MAP3K7CL: variants seen among roughly 807,000 people sequenced by gnomAD.
MAP3K7CL encodes MAP3K7 C-terminal-like protein.
Under a neutral mutation model 18.6 loss-of-function variants are expected in MAP3K7CL, and 16 were observed. That is an observed-to-expected ratio of 0.86 (90% CI 0.58 to 1.31). The LOEUF is 1.31. Among genes scored for constraint, MAP3K7CL ranks in the 50% most tolerant of loss-of-function variants. The pLI is 0.00. For missense variants in MAP3K7CL, 163 were observed against 174.4 expected (o/e 0.93, Z 0.37); for synonymous variants, 65 against 66.8 (o/e 0.97, Z 0.13).
chr21:29,118,597 A>G (rs985401484), intron 4 of MAP3K7CL, among the ~76,000 whole-genome samples: 3 of 152,200 alleles, frequency 2.0e-5, no homozygotes, highest in Non-Finnish European at 4.4e-5. Flanking sequence ...GGTTGAAATG[A>G]CTACACAGAC....
At chr21:29,105,664 T>C (rs2086308522) in intron 4 of MAP3K7CL, among the ~76,000 whole-genome samples, 1 of 152,076 alleles carries the variant, frequency 6.6e-6, no homozygotes, top group African/African-American at 2.4e-5. Context: ...TTATAAGCAG[T>C]TCCTTCAGAG....
At chr21:29,174,183 A>G (rs2832235) in intron 4 of MAP3K7CL, among the ~76,000 whole-genome samples, 29,870 of 152,176 alleles carry the variant, frequency 0.2, 3,074 homozygotes, top group East Asian at 0.28. Context: ...TGCAATATAT[A>G]TGTAAGGATT....
chr21:29,098,560 G>C (rs1024914428), intron 4 of MAP3K7CL, among the ~76,000 whole-genome samples: 1 of 152,216 alleles, frequency 6.6e-6, no homozygotes, highest in African/African-American at 2.4e-5. Flanking sequence ...ACTGTGCACC[G>C]TTCTTTCAAA....
At chr21:29,139,897 T>C (rs1041723667) in intron 2 of MAP3K7CL, among the ~76,000 whole-genome samples, 9 of 50,136 alleles carry the variant, frequency 1.8e-4, no homozygotes, top group African/African-American at 6.9e-4. Flanking sequence ...ATCTCTGGCT[T>C]TTTTTTTTTT....
intron 4 of MAP3K7CL, among the ~76,000 whole-genome samples, chr21:29,099,731 TTC>T (rs1171228089): frequency 6.6e-6 from 1 of 152,076 alleles, no homozygotes; most frequent in Non-Finnish European, 1.5e-5. Flanking sequence ...TAGAAACCTC[TTC>T]TTCCTTTCCT....
At chr21:29,101,498 C>T (rs936527411) in intron 4 of MAP3K7CL, among the ~76,000 whole-genome samples, 2 of 152,182 alleles carry the variant, frequency 1.3e-5, no homozygotes, top group African/African-American at 4.8e-5. Context: ...CAAGCTCCAC[C>T]TCCCGGATTC....
chr21:29,080,700 G>A (rs937089525), intron 1 of MAP3K7CL: 1 of 152,038 alleles, frequency 6.6e-6, no homozygotes, highest in African/African-American at 2.4e-5. Flanking sequence ...TCGTAGTGTA[G>A]CCCCCAAGGT....
intron 3 of MAP3K7CL, among the ~76,000 whole-genome samples, chr21:29,154,955 T>C (rs2087364178): frequency 6.6e-6 from 1 of 152,232 alleles, no homozygotes; most frequent in Admixed American, 6.5e-5. Context: ...GCTACTCTTG[T>C]GTTCTTTCTC....
chr21:29,140,593 A>T (rs2832213), intron 2 of MAP3K7CL, among the ~76,000 whole-genome samples: 3 of 152,064 alleles, frequency 2.0e-5, no homozygotes, highest in Non-Finnish European at 4.4e-5. Flanking sequence ...TTCATGTTAT[A>T]AGAGAAAGCT....
intron 3 of MAP3K7CL, among the ~76,000 whole-genome samples, chr21:29,158,990 G>T (rs546619069): frequency 2.2e-5 from 3 of 135,826 alleles, no homozygotes; most frequent in African/African-American, 2.9e-5. Flanking sequence ...GCATGATCTC[G>T]GCTCACTGCA....
chr21:29,142,471 G>A lies in MAP3K7CL; in HGVS notation c.71-6718G>A, dbSNP rs557076256. On this transcript the variant is annotated intron_variant, in intron 2 of 4. Coordinates refer to ENST00000399928, the MANE Select transcript of MAP3K7CL (RefSeq NM_001286620.2). Reference sequence around the variant, plus strand: ...CCTTAAGTGGCAGAGGCAGAACTCAGTAATTAGAGTCATTGACCTTAACCC... The same window carrying A: ...CCTTAAGTGGCAGAGGCAGAACTCAATAATTAGAGTCATTGACCTTAACCC... Among the ~76,000 whole-genome samples the A allele has an allele frequency of 7.2e-5, 11 of 152,330 alleles. No individual in the cohort carries two copies. The South Asian group carries it at 1.7e-3, about 23-fold the overall frequency.
At chr21:29,132,508 C>CTATA (rs2086797678) in intron 1 of MAP3K7CL, among the ~76,000 whole-genome samples, 1 of 151,668 alleles carries the variant, frequency 6.6e-6, no homozygotes, top group Non-Finnish European at 1.5e-5. Flanking sequence ...TTTTGGTATT[C>CTATA]TTTATTTATT....
intron 4 of MAP3K7CL, among the ~76,000 whole-genome samples, chr21:29,110,788 C>A (rs2086405692): frequency 6.6e-6 from 1 of 152,160 alleles, no homozygotes; most frequent in Admixed American, 6.5e-5. Context: ...CTTTCATGTT[C>A]TTAATTGTGA....
intron 2 of MAP3K7CL, among the ~76,000 whole-genome samples, chr21:29,136,020 A>G (rs1262762147): frequency 6.6e-6 from 1 of 152,224 alleles, no homozygotes; most frequent in Non-Finnish European, 1.5e-5. Context: ...GAGAACACTC[A>G]TTGAAAACAC....
At chr21:29,103,151 A>G (rs771957607) in intron 4 of MAP3K7CL, among the ~76,000 whole-genome samples, 1 of 152,194 alleles carries the variant, frequency 6.6e-6, no homozygotes, top group Non-Finnish European at 1.5e-5. Flanking sequence ...TTTGTAAATA[A>G]TGTTTTATTG....
intron 4 of MAP3K7CL, among the ~76,000 whole-genome samples, chr21:29,107,761 G>A (rs2086349788): frequency 6.6e-6 from 1 of 152,182 alleles, no homozygotes; most frequent in African/African-American, 2.4e-5. Flanking sequence ...TGGACTTCTT[G>A]TTATGTGAGA....
rs558727967 is a variant in MAP3K7CL, at chr21:29,124,088, C to G, written c.371-25101C>G. ...AAGGAACACAGGCCAAGGGTGGTGG[C>G]TCATGCCTGTAATCCCAGCACTTTG... is the stretch of plus-strand genomic sequence containing the variant. On this transcript the variant is annotated intron_variant, in intron 4 of 6. Coordinates refer to the MAP3K7CL transcript ENST00000286791. Among the ~76,000 whole-genome samples, 14 of 152,204 alleles carry G rather than the reference C, an allele frequency of 9.2e-5. No individual in the cohort carries two copies. The Middle Eastern group carries it at 0.01, about 111-fold the overall frequency.
chr21:29,158,049 G>A (rs1352022821), intron 3 of MAP3K7CL, among the ~76,000 whole-genome samples: 1 of 151,932 alleles, frequency 6.6e-6, no homozygotes, highest in Non-Finnish European at 1.5e-5. Context: ...TGTGGTGTTT[G>A]TAAGGACAGG....
intron 2 of MAP3K7CL, among the ~76,000 whole-genome samples, chr21:29,143,692 G>A (rs1453310202): frequency 2.0e-5 from 3 of 152,024 alleles, no homozygotes; most frequent in South Asian, 4.1e-4. Flanking sequence ...CAAAGTGCTG[G>A]TATTACAGGT....
Sources: gnomAD v4.1 joint callset for allele counts (sites outside exome capture counted in the v4.1 genomes callset) on GRCh38, gnomAD v4.1.1 for gene constraint, MANE v1.5 for transcripts, NCBI Gene and HGNC (gene_info 2026-07-23, HGNC 2026-07-21) for gene names.